The following TSHR variants were observed in gnomAD, a reference collection of about 807,000 sequenced individuals.
The protein encoded by TSHR is thyroid stimulating hormone receptor.
TSHR carries 51 observed loss-of-function variants against 64.1 expected under a neutral mutation model. The observed-to-expected ratio is 0.80, with a 90% CI of 0.64 to 1.01. The LOEUF is 1.01. TSHR is among the 50% of genes least tolerant of loss of function. The pLI is 0.00. For synonymous variants in TSHR, 361 were observed against 361.9 expected (o/e 1.00, Z 0.03); for missense variants, 877 against 942.8 (o/e 0.93, Z 0.91).
chr14:81,047,661 GCT>G (rs1268518902), intron 1 of TSHR, among the ~76,000 whole-genome samples: 3 of 126,486 alleles, frequency 2.4e-5, no homozygotes, highest in Non-Finnish European at 5.0e-5. Flanking sequence ...TTGTTCATTG[GCT>G]CTTTTTTTTT....
chr14:81,080,597 T>G (rs1178357607), intron 3 of TSHR, among the ~76,000 whole-genome samples: 1 of 152,198 alleles, frequency 6.6e-6, no homozygotes, highest in Non-Finnish European at 1.5e-5. Flanking sequence ...TCTCAATACA[T>G]TAAAAGATAC....
Position 80,955,838 on chromosome 14 carries a change from G to A in TSHR, c.158G>A (p.Ser53Asn). ...DIQRIPSLPPSTQTLKLIETH... is the reference protein window; with the variant it reads ...DIQRIPSLPPNTQTLKLIETH... ...CAACGCATCCCCAGCTTACCGCCCA[G>A]TACGCAGACTCTGTGAGTACCCGGG... The change falls in exon 1 of 10, where the codon AGT becomes AAT. Residue 53 changes from serine to asparagine, a missense_variant. Physicochemically the swap from Ser to Asn is conservative, Grantham distance 46. Transcript: ENST00000298171. The A allele has an allele frequency of 6.2e-7, 1 of 1,614,208 alleles. No homozygotes were observed. The highest frequency in any genetic ancestry group is 2.2e-5 in the East Asian group (1 of 44,876).
intron 8 of TSHR, among the ~76,000 whole-genome samples, chr14:81,122,273 C>G (rs1300534939): frequency 2.0e-5 from 3 of 151,392 alleles, no homozygotes; most frequent in Non-Finnish European, 4.4e-5. Context: ...GAACTCTTGA[C>G]CTCAGGCGAT....
chr14:80,993,848 A>G (rs1181398316), intron 1 of TSHR: 2 of 152,148 alleles, frequency 1.3e-5, no homozygotes, highest in Non-Finnish European at 2.9e-5. Context: ...CAGGATTAAA[A>G]AAAAAAAGGT....
At chr14:81,070,139 C>T (rs1056682095) in intron 3 of TSHR, among the ~76,000 whole-genome samples, 5 of 152,072 alleles carry the variant, frequency 3.3e-5, no homozygotes, top group Admixed American at 6.5e-5. Context: ...ATCTAGCATA[C>T]CTATGACTAG....
intron 1 of TSHR, among the ~76,000 whole-genome samples, chr14:81,030,894 G>A (rs953928849): frequency 6.6e-6 from 1 of 152,006 alleles, no homozygotes; most frequent in African/African-American, 2.4e-5. Flanking sequence ...TTCCTTTTTG[G>A]TCATGACATT....
intron 1 of TSHR, among the ~76,000 whole-genome samples, chr14:81,021,566 G>A (rs1157471921): frequency 6.6e-6 from 1 of 152,096 alleles, no homozygotes; most frequent in East Asian, 1.9e-4. Flanking sequence ...ATGTTCTTTT[G>A]CCCCTAAGGA....
chr14:80,999,445 G>T (rs529472973), intron 1 of TSHR, among the ~76,000 whole-genome samples: 1 of 152,232 alleles, frequency 6.6e-6, no homozygotes, highest in South Asian at 2.1e-4. Flanking sequence ...CTCCCATTTT[G>T]GATGATGGAG....
intron 1 of TSHR, among the ~76,000 whole-genome samples, chr14:81,046,885 T>G (rs1885192469): frequency 6.6e-6 from 1 of 152,106 alleles, no homozygotes; most frequent in Admixed American, 6.6e-5. Context: ...TGTCAGAAAC[T>G]TCACAGGCTG....
At chr14:80,993,299 G>A (rs1225952781) in intron 1 of TSHR, 4 of 152,164 alleles carry the variant, frequency 2.6e-5, no homozygotes, top group African/African-American at 9.7e-5. Context: ...AATACCTGGG[G>A]CTTAGACATT....
intron 8 of TSHR, among the ~76,000 whole-genome samples, chr14:81,118,715 G>A (rs1459728384): frequency 1.1e-4 from 17 of 152,092 alleles, no homozygotes; most frequent in South Asian, 4.1e-4. Context: ...AGCCCGCATC[G>A]CCAAGTGAAT....
intron 1 of TSHR, among the ~76,000 whole-genome samples, chr14:80,989,153 T>C (rs1243390644): frequency 1.3e-5 from 2 of 152,194 alleles, no homozygotes; most frequent in Non-Finnish European, 2.9e-5. Context: ...GCCTCTTTTA[T>C]GTTAATTGCA....
intron 1 of TSHR, among the ~76,000 whole-genome samples, chr14:80,963,518 A>T (rs1438454331): frequency 1.3e-5 from 2 of 152,250 alleles, no homozygotes; most frequent in Non-Finnish European, 2.9e-5. Flanking sequence ...TAAGTTTTAC[A>T]TGACACAGGA....
intron 3 of TSHR, among the ~76,000 whole-genome samples, chr14:81,076,771 A>G (rs756708417): frequency 1.3e-5 from 2 of 152,154 alleles, no homozygotes; most frequent in African/African-American, 4.8e-5. Flanking sequence ...TGATAATTTT[A>G]TATCTTAACT....
chr14:81,069,718 G>T (rs1886923473), intron 3 of TSHR, among the ~76,000 whole-genome samples: 1 of 152,090 alleles, frequency 6.6e-6, no homozygotes, highest in South Asian at 2.1e-4. Context: ...CTAGAAGTAT[G>T]GGAAAACTGT....
chr14:81,071,069 G>A (rs988473841), intron 3 of TSHR, among the ~76,000 whole-genome samples: 2 of 152,166 alleles, frequency 1.3e-5, no homozygotes, highest in South Asian at 2.1e-4. Flanking sequence ...GATAGTGTGG[G>A]ATCATAAAAT....
chr14:81,044,551 G>T (rs182470989), intron 1 of TSHR, among the ~76,000 whole-genome samples: 1 of 151,934 alleles, frequency 6.6e-6, no homozygotes, highest in African/African-American at 2.4e-5. Flanking sequence ...CCAGCTACTT[G>T]GGAGGCTGAG....
chr14:81,042,758 T>C (rs950299233), intron 1 of TSHR, among the ~76,000 whole-genome samples: 1 of 152,132 alleles, frequency 6.6e-6, no homozygotes, highest in African/African-American at 2.4e-5. Context: ...GACATTGCAT[T>C]GTATATTTCA....
chr14:81,104,854 C>CA, intron 7 of TSHR: 3 of 985,350 alleles, frequency 3.0e-6, no homozygotes, highest in Non-Finnish European at 3.6e-6. Flanking sequence ...AACAGGTTCT[C>CA]AAAGAGGAAT....
Sources: allele counts gnomAD v4.1 joint callset (sites outside exome capture counted in the v4.1 genomes callset), GRCh38; gene constraint gnomAD v4.1.1; transcripts MANE v1.5; gene names NCBI Gene and HGNC (gene_info 2026-07-23, HGNC 2026-07-21).